Variants in CSNK1G3 observed in about 807,000 individuals in gnomAD.
CSNK1G3 encodes casein kinase I isoform gamma-3.
CSNK1G3 carries 23 observed loss-of-function variants against 64.3 expected under a neutral mutation model. The ratio of observed to expected loss-of-function variants is 0.36; its 90% CI spans 0.26 to 0.51. The LOEUF (loss-of-function observed/expected upper bound fraction) is 0.51, where lower values mean the gene tolerates loss of function less well. Ranked by LOEUF, CSNK1G3 falls within the 20% of genes least tolerant of loss-of-function variation. The pLI is 0.96. For missense variants in CSNK1G3, 357 were observed against 510.5 expected, an observed-to-expected ratio of 0.70 and a Z score of 2.90; for synonymous variants, 158 against 162.2, an observed-to-expected ratio of 0.97 and a Z score of 0.20.
At chr5:123,577,634 G>T (rs1789437108) in intron 6 of CSNK1G3, among the ~76,000 whole-genome samples, 1 of 151,602 alleles carries the variant, frequency 6.6e-6, no homozygotes, top group Non-Finnish European at 1.5e-5. Context: ...TACTCAGAAA[G>T]TAGTTTCAGA....
At chr5:123,559,041 T>C (rs1370865317) in intron 4 of CSNK1G3, among the ~76,000 whole-genome samples, 2 of 152,190 alleles carry the variant, frequency 1.3e-5, no homozygotes, top group Non-Finnish European at 2.9e-5. Context: ...TTAGCAATTA[T>C]GAAAGCATCT....
chr5:123,602,787 A>G (rs1794718529), intron 10 of CSNK1G3, among the ~76,000 whole-genome samples: 1 of 152,142 alleles, frequency 6.6e-6, no homozygotes, highest in Non-Finnish European at 1.5e-5. Flanking sequence ...TCCTTTACCT[A>G]GAGGTGAGAG....
chr5:123,569,801 G>GTAGATGTTC (rs58726787), intron 4 of CSNK1G3, among the ~76,000 whole-genome samples: 6 of 151,380 alleles, frequency 4.0e-5, no homozygotes, highest in Non-Finnish European at 8.9e-5. Flanking sequence ...AAAGTTAAAA[G>GTAGATGTTC]TTCTCTTGCT....
intron 4 of CSNK1G3, among the ~76,000 whole-genome samples, chr5:123,567,914 T>C (rs905721656): frequency 2.0e-5 from 3 of 152,186 alleles, no homozygotes; most frequent in Non-Finnish European, 2.9e-5. Flanking sequence ...AGCATAAAAA[T>C]TAGTGCTTCG....
chr5:123,522,974 C>G (rs1778389019), intron 1 of CSNK1G3, among the ~76,000 whole-genome samples: 1 of 152,006 alleles, frequency 6.6e-6, no homozygotes, highest in Admixed American at 6.5e-5. Flanking sequence ...CTTAGGAGAC[C>G]TAAGTGATAT....
intron 1 of CSNK1G3, among the ~76,000 whole-genome samples, chr5:123,517,649 G>A (rs1477959049): frequency 6.6e-6 from 1 of 152,118 alleles, no homozygotes; most frequent in Non-Finnish European, 1.5e-5. Flanking sequence ...GTTTTATGGG[G>A]GTAGTTTTTG....
chr5:123,573,635 T>A, intron 5 of CSNK1G3, 94 bp downstream of exon 5: 1 of 1,135,858 alleles, frequency 8.8e-7, no homozygotes, highest in South Asian at 1.6e-5. Flanking sequence ...TGATATTGTC[T>A]TACAGAGCGT....
intron 1 of CSNK1G3, among the ~76,000 whole-genome samples, chr5:123,523,796 A>G (rs1745121069): frequency 6.6e-6 from 1 of 152,200 alleles, no homozygotes; most frequent in South Asian, 2.1e-4. Context: ...TTTGGTACAA[A>G]TTGATTTTTT....
chr5:123,571,067 A>G (rs542506719), intron 4 of CSNK1G3, among the ~76,000 whole-genome samples: 2 of 152,260 alleles, frequency 1.3e-5, no homozygotes, highest in African/African-American at 2.4e-5. Context: ...TATGACAAAT[A>G]CATCTAAGAG....
At chr5:123,551,399 C>G (rs944517819) in intron 2 of CSNK1G3, among the ~76,000 whole-genome samples, 1 of 152,102 alleles carries the variant, frequency 6.6e-6, no homozygotes, top group Non-Finnish European at 1.5e-5. Context: ...TATATAGGTT[C>G]AATGAGTATA....
intron 1 of CSNK1G3, among the ~76,000 whole-genome samples, chr5:123,538,811 G>T (rs559981434): frequency 6.6e-6 from 1 of 152,034 alleles, no homozygotes; most frequent in Non-Finnish European, 1.5e-5. Context: ...TAGCCCATTT[G>T]GAAGTGTTTG....
intron 2 of CSNK1G3, 183 bp downstream of exon 2, chr5:123,546,024 A>G: frequency 1.8e-6 from 1 of 570,292 alleles, no homozygotes. Context: ...ATTCCCTAGT[A>G]TAGGAGTGTC....
chr5:123,583,903 G>T (rs1052087414), intron 6 of CSNK1G3, among the ~76,000 whole-genome samples: 5 of 151,860 alleles, frequency 3.3e-5, no homozygotes, highest in Non-Finnish European at 7.4e-5. Flanking sequence ...TGTTGCCCAA[G>T]CTAGTCTTGA....
At chr5:123,602,178 T>G in intron 10 of CSNK1G3, among the ~76,000 whole-genome samples, 1 of 152,202 alleles carries the variant, frequency 6.6e-6, no homozygotes, top group East Asian at 1.9e-4. Flanking sequence ...CTTTGAAGAT[T>G]ATCAAGGCAG....
exon 1 of CSNK1G3, chr5:123,512,408 C>T (rs1035501344): frequency 6.6e-6 from 1 of 152,202 alleles, no homozygotes; most frequent in Non-Finnish European, 1.5e-5. Flanking sequence ...TCCTTCCCCC[C>T]TACCTCGCTC....
At chr5:123,606,618 A>G (rs186648021) in intron 12 of CSNK1G3, among the ~76,000 whole-genome samples, 28 of 152,156 alleles carry the variant, frequency 1.8e-4, no homozygotes, top group Middle Eastern at 3.4e-3. Flanking sequence ...TATCACCCCT[A>G]TTTATTTCTT....
At chr5:123,515,680 C>A (rs1178453508) in intron 1 of CSNK1G3, among the ~76,000 whole-genome samples, 2 of 152,086 alleles carry the variant, frequency 1.3e-5, no homozygotes, top group African/African-American at 2.4e-5. Context: ...CAAGTAAAAT[C>A]ATGTTACAGG....
rs147824512 is a variant in CSNK1G3 at position 123,591,584 on chromosome 5, A to G, written c.1086+170A>G. 7.5e-3 allele frequency among the ~76,000 whole-genome samples: 1,136 copies of G among 151,600 alleles called. 12 individuals carry two copies. Among genetic ancestry groups the G allele is most frequent in the African/African-American group, 0.025 (1,054 of 41,536 alleles). ...TTTAATAATAGCATTAAAATGTTTA[A>G]TCATAAATCCTTAATTAATGGTACA... On this transcript the variant is annotated intron_variant, in intron 10 of 12. Coordinates refer to ENST00000345990, the Ensembl canonical transcript of CSNK1G3.
intron 6 of CSNK1G3, among the ~76,000 whole-genome samples, chr5:123,581,883 TATAAG>T (rs1790373627): frequency 6.6e-6 from 1 of 151,982 alleles, no homozygotes; most frequent in Non-Finnish European, 1.5e-5. Flanking sequence ...TTTTTTTACT[TATAAG>T]AAATGATTTA....
Sources: gnomAD v4.1 joint callset for allele counts (sites outside exome capture counted in the v4.1 genomes callset) on GRCh38, gnomAD v4.1.1 for gene constraint, MANE v1.5 for transcripts, NCBI Gene and HGNC (gene_info 2026-07-23, HGNC 2026-07-21) for gene names.